Variants in RBM38 observed in about 807,000 individuals in gnomAD.
RBM38 encodes RNA binding motif protein 38.
RBM38 carries 11 observed loss-of-function variants against 23.5 expected under a neutral mutation model. That is an observed-to-expected ratio of 0.47 (90% CI 0.29 to 0.77). The LOEUF (loss-of-function observed/expected upper bound fraction) is 0.77. Ranked by LOEUF, RBM38 falls within the 30% of genes least tolerant of loss-of-function variation. The pLI is 0.08. For synonymous variants in RBM38, 165 were observed against 166.1 expected (o/e 0.99, Z 0.05); for missense variants, 330 against 351.9 (o/e 0.94, Z 0.50).
At chr20:57,402,578 GC>G (rs1189049951) in intron 3 of RBM38, among the ~76,000 whole-genome samples, 1 of 152,234 alleles carries the variant, frequency 6.6e-6, no homozygotes, top group African/African-American at 2.4e-5. Flanking sequence ...GCGGCGTGCA[GC>G]TACCAGGCTG....
At chr20:57,404,263 T>C (rs926782380) in intron 3 of RBM38, among the ~76,000 whole-genome samples, 18 of 152,366 alleles carry the variant, frequency 1.2e-4, no homozygotes, top group African/African-American at 4.3e-4. Flanking sequence ...AATGCAGCTG[T>C]GGATCAGGAC....
At chr20:57,399,664 G>C (rs536024421) in intron 3 of RBM38, among the ~76,000 whole-genome samples, 42 of 152,346 alleles carry the variant, frequency 2.8e-4, no homozygotes, top group Middle Eastern at 3.4e-3. Flanking sequence ...CGTTCGACCT[G>C]TGTCCTGTGG....
intron 3 of RBM38, among the ~76,000 whole-genome samples, chr20:57,406,877 C>G (rs1427233861): frequency 4.6e-5 from 7 of 152,150 alleles, no homozygotes; most frequent in Middle Eastern, 3.4e-3. Flanking sequence ...ACCTGTAGTC[C>G]CAGCTACTCA....
rs2067233134 is a variant in RBM38, at chr20:57,392,714, G to A, written c.298G>A (p.Asp100Asn). ...TTGCAAAGACCCGAACCCCATCATC[G>A]ACGGCCGCAAGGCCAACGTGAACCT... ...RACKDPNPIIDGRKANVNLAY... is the reference protein window; with the variant it reads ...RACKDPNPIINGRKANVNLAY... The change falls in exon 2 of 4, where the codon GAC becomes AAC. Residue 100 changes from aspartate to asparagine, a missense_variant. Asp to Asn is a conservative substitution (Grantham distance 23). Around this residue, in one of 3 missense-constraint regions of RBM38, gnomAD observed 227 missense variants for 216.4 expected, o/e 1.05. Coordinates refer to ENST00000356208, the MANE Select transcript of RBM38 (RefSeq NM_017495.6). 6 of 1,612,826 alleles carry A rather than the reference G, an allele frequency of 3.7e-6. No homozygotes were observed. Among genetic ancestry groups the A allele is most frequent in the Non-Finnish European group, 4.2e-6 (5 of 1,179,858 alleles).
At chr20:57,395,676 A>G (rs1208418611) in intron 3 of RBM38, among the ~76,000 whole-genome samples, 2 of 151,908 alleles carry the variant, frequency 1.3e-5, no homozygotes, top group African/African-American at 4.8e-5. Flanking sequence ...GGGTAGGGGG[A>G]GGCTCCCGGG....
In RBM38 at chr20:57,408,195, G is replaced by A. The variant is rs561108944; in HGVS notation, c.*349G>A. 1.1e-4 allele frequency: 43 copies of A among 396,392 alleles called. No homozygotes were observed. The highest frequency in any genetic ancestry group is 1.9e-4 in the Admixed American group (5 of 26,630). The allele number at this position is 396,392 out of a possible 1,614,324, so 24.6% of individuals were successfully genotyped here. ...GCTTGTGTCCCCACTGCTGCATCGT[G>A]GCGGGGTGTCACAGACCCTCTGCAG... On this transcript the variant is annotated 3_prime_UTR_variant, in exon 4 of 4. Transcript: ENST00000356208.
intron 3 of RBM38, among the ~76,000 whole-genome samples, chr20:57,395,782 G>A (rs1293751506): frequency 6.6e-6 from 1 of 152,178 alleles, no homozygotes; most frequent in African/African-American, 2.4e-5. Context: ...GGCCGGAGCT[G>A]GAGAGCTGGG....
intron 3 of RBM38, among the ~76,000 whole-genome samples, chr20:57,403,336 G>T (rs913181401): frequency 1.8e-4 from 28 of 152,362 alleles, no homozygotes; most frequent in African/African-American, 6.5e-4. Context: ...CCCTAGGAGG[G>T]AGAGAAGCTG....
Position 57,391,661 on chromosome 20 carries a change from C to G in RBM38, c.80C>G (p.Ser27Trp). Residue 27 changes from serine (S) to tryptophan (W), a missense_variant, in exon 1 of 4, where the codon TCG becomes TGG. Coordinates refer to ENST00000356208, the MANE Select transcript of RBM38 (RefSeq NM_017495.6). ...PLAAPGAMHGSQKDTTFTKIF... is the reference protein window; with the variant it reads ...PLAAPGAMHGWQKDTTFTKIF... ...GCCGCCCCCGGCGCCATGCACGGCT[C>G]GCAGAAGGACACCACGTTCACCAAG... 1.3e-6 allele frequency: 2 copies of G among 1,501,700 alleles called. No individual in the cohort carries two copies. Among genetic ancestry groups the G allele is most frequent in the Non-Finnish European group, 1.8e-6 (2 of 1,121,808 alleles). The allele number at this position is 1,501,700 out of a possible 1,614,324, so 93.0% of individuals were successfully genotyped here.
intron 3 of RBM38, among the ~76,000 whole-genome samples, chr20:57,402,471 T>C (rs1354924309): frequency 6.6e-6 from 1 of 152,190 alleles, no homozygotes; most frequent in Non-Finnish European, 1.5e-5. Flanking sequence ...TGGTGGGCTC[T>C]TCACTGAGGT....
chr20:57,395,458 C>T (rs1032433119), intron 3 of RBM38, among the ~76,000 whole-genome samples: 8 of 152,056 alleles, frequency 5.3e-5, no homozygotes, highest in Non-Finnish European at 1.2e-4. Flanking sequence ...CTTCAGGCGA[C>T]GGTGTTTTGT....
At position 57,408,211 on chromosome 20, in the gene RBM38, C is replaced by T. The variant is rs987127747; in HGVS notation, c.*365C>T. 8.0e-6 allele frequency: 3 copies of T among 374,000 alleles called. No individual in the cohort carries two copies. Among genetic ancestry groups the T allele is most frequent in the Non-Finnish European group, 1.5e-5 (3 of 196,706 alleles). The allele number at this position is 374,000 out of a possible 1,614,324, so 23.2% of individuals were successfully genotyped here. ...CTGCATCGTGGCGGGGTGTCACAGA[C>T]CCTCTGCAGCCCCTGGCTGCCCTGG... On this transcript the variant is annotated 3_prime_UTR_variant, in exon 4 of 4. Transcript: ENST00000356208.
intron 3 of RBM38, among the ~76,000 whole-genome samples, chr20:57,394,379 CA>C (rs1157071434): frequency 6.6e-6 from 1 of 152,078 alleles, no homozygotes; most frequent in African/African-American, 2.4e-5. Flanking sequence ...GAGGCCCCAG[CA>C]GAAGTTGCTG....
chr20:57,394,842 G>C (rs1487633608), intron 3 of RBM38, among the ~76,000 whole-genome samples: 3 of 152,158 alleles, frequency 2.0e-5, no homozygotes, highest in Non-Finnish European at 4.4e-5. Context: ...CAGAGGTGAG[G>C]GTGTGTGCCT....
intron 3 of RBM38, among the ~76,000 whole-genome samples, chr20:57,395,405 G>T (rs1470363833): frequency 2.6e-5 from 4 of 152,208 alleles, no homozygotes; most frequent in African/African-American, 9.6e-5. Flanking sequence ...CCATCCAGAA[G>T]CAGTTGGGAT....
chr20:57,398,327 G>A (rs547687714), intron 3 of RBM38, among the ~76,000 whole-genome samples: 3 of 152,312 alleles, frequency 2.0e-5, no homozygotes, highest in South Asian at 2.1e-4. Context: ...TGAGGATGGC[G>A]GAAATGGGCC....
At chr20:57,392,394 C>T (rs1477382168) in intron 1 of RBM38, 2 of 1,512,724 alleles carry the variant, frequency 1.3e-6, no homozygotes, top group African/African-American at 1.4e-5. Flanking sequence ...CCTATCCCCG[C>T]AGGGGATTAT....
At chr20:57,405,938 CAGG>C (rs1250779456) in intron 3 of RBM38, among the ~76,000 whole-genome samples, 1 of 152,240 alleles carries the variant, frequency 6.6e-6, no homozygotes, top group African/African-American at 2.4e-5. Flanking sequence ...CTGCCGAACG[CAGG>C]AGAATGCAGG....
At chr20:57,404,659 C>T (rs1213419050) in intron 3 of RBM38, among the ~76,000 whole-genome samples, 3 of 152,250 alleles carry the variant, frequency 2.0e-5, no homozygotes, top group Non-Finnish European at 2.9e-5. Context: ...GTTCCGTCAG[C>T]ACCATGTGCC....
Sources: allele counts gnomAD v4.1 joint callset (sites outside exome capture counted in the v4.1 genomes callset), GRCh38; gene constraint gnomAD v4.1.1; regional missense constraint gnomAD v4.1.1; transcripts MANE v1.5; gene names NCBI Gene and HGNC (gene_info 2026-07-23, HGNC 2026-07-21).